The following EXD3 variants were observed in gnomAD, a reference collection of about 807,000 sequenced individuals.
EXD3 encodes exonuclease mut-7 homolog.
EXD3 carries 92 observed loss-of-function variants against 98.0 expected under a neutral mutation model. That is an observed-to-expected ratio of 0.94 (90% CI 0.79 to 1.12). The LOEUF (loss-of-function observed/expected upper bound fraction) is 1.12, where lower values mean the gene tolerates loss of function less well. Among genes scored for constraint, EXD3 ranks in the 50% most tolerant of loss-of-function variants. EXD3 has a pLI of 0.00. For synonymous variants in EXD3, 569 were observed against 526.0 expected, an observed-to-expected ratio of 1.08 and a Z score of -1.12; for missense variants, 1,222 against 1,191.6, an observed-to-expected ratio of 1.03 and a Z score of -0.38.
chr9:137,307,118 C>T lies in EXD3; in HGVS notation c.2463G>A (p.Leu821=), dbSNP rs377043054. ...AGAAGCACCGCAGCCCAGGTGTCCT[C>T]AGCACACCCACCGGGACCCCTGCCA... The part of the protein sequence containing the change: ...LQLAGVPVGV[L]RTPGLRCFYC... The change falls in exon 22 of 22, where the codon CTG becomes CTA. Residue 821 remains leucine, a synonymous_variant. Coordinates refer to ENST00000340951, the MANE Select transcript of EXD3 (RefSeq NM_017820.5). 6.2e-7 allele frequency: 1 copy of T among 1,606,324 alleles called. No homozygotes were observed. The highest frequency in any genetic ancestry group is 1.7e-5 in the Admixed American group (1 of 58,860).
chr9:137,373,484 C>G lies in EXD3; in HGVS notation c.236G>C (p.Trp79Ser). The change falls in exon 4 of 22, where the codon TGG becomes TCG. Residue 79 changes from tryptophan (W) to serine (S), a missense_variant. By Grantham distance (177) the Trp-to-Ser change is radical. Transcript: ENST00000340951. ...QRGEGPSLAA[W>S]ISHQLQCWLQ... Reference sequence around the variant, plus strand: ...CCAGCACTGCAGCTGGTGGGAGATCCAGGCCGCCAGGGAGGGGCCCTCTCC... The same window carrying G: ...CCAGCACTGCAGCTGGTGGGAGATCGAGGCCGCCAGGGAGGGGCCCTCTCC... 6.2e-7 allele frequency: 1 copy of G among 1,608,758 alleles called. No individual in the cohort carries two copies. The highest frequency in any genetic ancestry group is 8.5e-7 in the Non-Finnish European group (1 of 1,178,590).
intron 1 of EXD3, among the ~76,000 whole-genome samples, chr9:137,400,173 T>C (rs1160645979): frequency 1.3e-5 from 2 of 152,030 alleles, no homozygotes; most frequent in African/African-American, 4.8e-5. Flanking sequence ...TCCCCCTGGG[T>C]CCCTCCCATA....
chr9:137,307,415 C>G (rs901854213), intron 21 of EXD3, among the ~76,000 whole-genome samples, 152 bp from the exon 22 acceptor site: 2 of 152,184 alleles, frequency 1.3e-5, no homozygotes, highest in Non-Finnish European at 2.9e-5. Context: ...ACTCTGCGTC[C>G]TCCACTTCCT....
rs1194156793 is a variant in EXD3 at position 137,373,101 on chromosome 9, G to C, written c.295-29C>G. The C allele has an allele frequency of 2.0e-6, 3 of 1,526,648 alleles. No homozygotes were observed. The East Asian group carries it at 6.8e-5, about 35-fold the overall frequency. 94.6% of individuals were successfully genotyped at this position (1,526,648 alleles called of 1,614,324 possible). On this transcript the variant is annotated intron_variant, in intron 4 of 21. Transcript: ENST00000340951. The stretch of plus-strand genomic sequence containing the variant: ...GAAGAGCAGGGACCCAGACTTACTG[G>C]ACGCAGCACCCAGTGGCTGGGCCAT...
At chr9:137,338,771 T>G (rs537053395) in intron 17 of EXD3, among the ~76,000 whole-genome samples, 3 of 149,452 alleles carry the variant, frequency 2.0e-5, no homozygotes, top group Admixed American at 6.7e-5. Context: ...CGGGCGCCTG[T>G]AGTCCCAGCT....
Position 137,403,507 on chromosome 9 carries a change from G to A in EXD3, c.-47-8103C>T, listed in dbSNP as rs986261260. On this transcript the variant is annotated intron_variant, in intron 1 of 21. Transcript: ENST00000340951. This position sits in a 1 kb window ranked among gnomAD's most constrained non-coding sequence, Gnocchi z 6.1. ...GGTCTGGCAGCACCCCATGAAGGCC[G>A]CCCCAGGTCCGTTTCAGCCCTCCAG... Among the ~76,000 whole-genome samples the A allele has an allele frequency of 4.6e-5, 7 of 152,018 alleles. No individual in the cohort carries two copies. The South Asian group carries it at 6.2e-4, about 14-fold the overall frequency.
chr9:137,359,350 C>T (rs150648258), intron 7 of EXD3, among the ~76,000 whole-genome samples: 1,334 of 83,912 alleles, frequency 0.016, 379 homozygotes, highest in African/African-American at 0.041. Flanking sequence ...TGCAAATGCA[C>T]CGGTAAACCC....
At chr9:137,311,893 C>A (rs1262592835) in intron 19 of EXD3, among the ~76,000 whole-genome samples, 1 of 152,138 alleles carries the variant, frequency 6.6e-6, no homozygotes, top group Non-Finnish European at 1.5e-5. Flanking sequence ...TGGCCCAGCG[C>A]ACGTCTTGCC....
At chr9:137,409,095 G>T (rs924343208) in intron 1 of EXD3, among the ~76,000 whole-genome samples, 1 of 152,216 alleles carries the variant, frequency 6.6e-6, no homozygotes, top group Non-Finnish European at 1.5e-5. Context: ...CTTGGGACGT[G>T]CCCGGGGGGT....
chr9:137,355,491 ATGGAGGAAGGAGGAAGGAGG>A (rs1564508288), intron 8 of EXD3, among the ~76,000 whole-genome samples: 6 of 40,280 alleles, frequency 1.5e-4, no homozygotes, highest in African/African-American at 1.1e-4. Flanking sequence ...AGGAAGGAGG[ATGGAGGAAGGAGGAAGGAGG>A]AAGGAGGAAG....
chr9:137,392,716 C>A, intron 2 of EXD3: 1 of 339,134 alleles, frequency 2.9e-6, no homozygotes, highest in East Asian at 7.8e-5. Context: ...GGGGCTGTGT[C>A]TGTTCCAGGA....
rs544794837 is a variant in EXD3 at position 137,382,833 on chromosome 9, G to A, written c.120+480C>T. 4.6e-5 allele frequency among the ~76,000 whole-genome samples: 7 copies of A among 152,282 alleles called. No homozygotes were observed. In the South Asian group the frequency reaches 8.3e-4, roughly 18 times the overall value. On this transcript the variant is annotated intron_variant, in intron 3 of 21. Coordinates refer to ENST00000340951, the MANE Select transcript of EXD3 (RefSeq NM_017820.5). ...TTGCCACTAAGGAGCCGGAATCCGCGTCTGCCCCCACAGGGGGCCGGCCCT... is the reference window on the plus strand; with the variant it reads ...TTGCCACTAAGGAGCCGGAATCCGCATCTGCCCCCACAGGGGGCCGGCCCT...
chr9:137,379,940 C>T (rs1204644989), intron 3 of EXD3, among the ~76,000 whole-genome samples: 3 of 152,034 alleles, frequency 2.0e-5, no homozygotes, highest in Middle Eastern at 3.2e-3. Flanking sequence ...CGTCGGCCAG[C>T]GCAAGCCACA....
intron 17 of EXD3, among the ~76,000 whole-genome samples, chr9:137,327,427 C>T (rs1449254082): frequency 1.3e-5 from 2 of 152,106 alleles, no homozygotes; most frequent in Non-Finnish European, 2.9e-5. Flanking sequence ...GCCACCGCGC[C>T]CGGCCAGTAT....
intron 17 of EXD3, among the ~76,000 whole-genome samples, chr9:137,328,485 A>ACGAACACCCACATG: frequency 6.6e-6 from 1 of 151,746 alleles, no homozygotes; most frequent in Non-Finnish European, 1.5e-5. Flanking sequence ...AGTAAAAACA[A>ACGAACACCCACATG]AAGTAAAAAC....
In EXD3 at chr9:137,306,899, G is replaced by C; in HGVS notation, c.*51C>G. 1 of 1,499,968 alleles carries C rather than the reference G, an allele frequency of 6.7e-7. No individual in the cohort carries two copies. The highest frequency in any genetic ancestry group is 8.9e-7 in the Non-Finnish European group (1 of 1,126,860). 92.9% of individuals were successfully genotyped at this position (1,499,968 alleles called of 1,614,324 possible). A position where few individuals can be genotyped will look rare whatever the true frequency, so the allele number is the denominator to read the frequency against. ...GCATGAAACATGTGAGCCAGTCCAC[G>C]GCCATGGGCCCAGCAGTCGGGCACT... On this transcript the variant is annotated 3_prime_UTR_variant, in exon 22 of 22. Transcript: ENST00000340951.
chr9:137,393,843 C>A lies in EXD3; in HGVS notation c.55+1460G>T, dbSNP rs562819063. Among the ~76,000 whole-genome samples, 1 of 152,276 alleles carries A rather than the reference C, an allele frequency of 6.6e-6. No individual in the cohort carries two copies. The highest frequency in any genetic ancestry group is 1.9e-4 in the East Asian group (1 of 5,180). On this transcript the variant is annotated intron_variant, in intron 2 of 21. Coordinates refer to ENST00000340951, the MANE Select transcript of EXD3 (RefSeq NM_017820.5). This position sits in a 1 kb window ranked among gnomAD's most constrained non-coding sequence, Gnocchi z 4.6. ...GAGTGAAAAGGCAGTAAACCCACAA[C>A]AAACTGAGGGCCTGCAGCCCAGGGC...
intron 19 of EXD3, 125 bp downstream of exon 19, chr9:137,323,600 G>GGGAT (rs1832207006): frequency 7.3e-7 from 1 of 1,368,612 alleles, no homozygotes. Flanking sequence ...TGGACCACGA[G>GGGAT]GGATGCTCTG....
Position 137,395,557 on chromosome 9 carries a change from A to C in EXD3, c.-47-153T>G. ...GTCGCTGAGCATAGCGGGCAGCTCC[A>C]CACTCCTCTCCCAGCTGGGGTGACG... On this transcript the variant is annotated intron_variant, in intron 1 of 21. Coordinates refer to ENST00000340951, the MANE Select transcript of EXD3 (RefSeq NM_017820.5). This position sits in a 1 kb window ranked among gnomAD's most constrained non-coding sequence, Gnocchi z 6.5. The C allele has an allele frequency of 1.5e-6, 1 of 676,900 alleles. No individual in the cohort carries two copies. Among genetic ancestry groups the C allele is most frequent in the South Asian group, 1.9e-5 (1 of 53,394 alleles). The allele number at this position is 676,900 out of a possible 1,614,324, so 41.9% of individuals were successfully genotyped here. A position where few individuals can be genotyped will look rare whatever the true frequency, so the allele number is the denominator to read the frequency against.
Sources: gnomAD v4.1 joint callset for allele counts (sites outside exome capture counted in the v4.1 genomes callset) on GRCh38, gnomAD v4.1.1 for gene constraint, Gnocchi (gnomAD v3.1) non-coding constraint, MANE v1.5 for transcripts, NCBI Gene and HGNC (gene_info 2026-07-23, HGNC 2026-07-21) for gene names.